The following MYH1 variants were observed in gnomAD, a reference collection of about 807,000 sequenced individuals.
MYH1 encodes myosin heavy chain 1.
A neutral mutation model predicts 225.6 loss-of-function variants in MYH1; 214 were observed. The observed-to-expected ratio is 0.95, with a 90% confidence interval of 0.85 to 1.06. The LOEUF (loss-of-function observed/expected upper bound fraction) is 1.06, where lower values mean the gene tolerates loss of function less well. Ranked by LOEUF, MYH1 falls within the 50% of genes least tolerant of loss-of-function variation. The pLI is 0.00. For missense variants in MYH1, 2,098 were observed against 2,344.2 expected (o/e 0.89, Z 2.17); for synonymous variants, 774 against 842.3 (o/e 0.92, Z 1.40).
Position 10,505,491 on chromosome 17 carries a change from C to A in MYH1, c.2195G>T (p.Ser732Ile). ...FKQRYKVLNA[S>I]AIPEGQFIDS... is the part of the protein sequence containing the mutation. ...GATGAATTGTCCTTCAGGGATAGCA[C>A]TTGCATTTAACACCTTGTATCTGTT... The change falls in exon 20 of 40, where the codon AGT becomes ATT. Residue 732 changes from serine to isoleucine, a missense_variant. By Grantham distance (142) the Ser-to-Ile change is moderately radical. Coordinates refer to ENST00000226207, the MANE Select transcript of MYH1 (RefSeq NM_005963.4). The A allele has an allele frequency of 6.2e-7, 1 of 1,614,194 alleles. No homozygotes were observed. The highest frequency in any genetic ancestry group is 8.5e-7 in the Non-Finnish European group (1 of 1,180,018).
chr17:10,498,173 C>A (rs182859869), intron 30 of MYH1, among the ~76,000 whole-genome samples: 1 of 152,218 alleles, frequency 6.6e-6, no homozygotes, highest in Admixed American at 6.5e-5. Context: ...AACACTTTAC[C>A]CTTCCAGGTA....
chr17:10,502,240 A>G (rs1726052922), intron 24 of MYH1, among the ~76,000 whole-genome samples: 1 of 152,060 alleles, frequency 6.6e-6, no homozygotes, highest in African/African-American at 2.4e-5. Context: ...CGCCTCCCTT[A>G]CTCAGGCATT....
chr17:10,492,651 A>G, intron 39 of MYH1, 83 bp from the exon 40 acceptor site: 1 of 1,406,626 alleles, frequency 7.1e-7, no homozygotes. Context: ...TTTCCTTTTT[A>G]CTTAAAAATG....
At position 10,500,732 on chromosome 17, in the gene MYH1, G is replaced by A; in HGVS notation, c.3759C>T (p.Cys1253=). The A allele has an allele frequency of 1.2e-6, 2 of 1,614,122 alleles. No individual in the cohort carries two copies. Among genetic ancestry groups the A allele is most frequent in the African/African-American group, 1.3e-5 (1 of 75,030 alleles). ...SKAKGNLEKM[C]RALEDQLSEI... Reference sequence around the variant, plus strand: ...CACTCAGTTGATCTTCTAGAGCGCGGCACATCTTTTCAAGGTTTCCCTGCA... The same window carrying A: ...CACTCAGTTGATCTTCTAGAGCGCGACACATCTTTTCAAGGTTTCCCTGCA... The change falls in exon 28 of 40, where the codon TGC becomes TGT. Residue 1253 remains cysteine (C), a synonymous_variant. Coordinates refer to ENST00000226207, the MANE Select transcript of MYH1 (RefSeq NM_005963.4).
rs1284548176 is a variant in MYH1, at chr17:10,505,152, CT to C, written c.2435+10del. On this transcript the variant is annotated intron_variant, in intron 21 of 39. Coordinates refer to ENST00000226207, the MANE Select transcript of MYH1 (RefSeq NM_005963.4). ...AGATGATGAGGTTAAGTAAAGAATT[CT>C]TATTAATACCTTCTTTCCACCATTT... 6.2e-7 allele frequency: 1 copy of C among 1,613,798 alleles called. No individual in the cohort carries two copies. The highest frequency in any genetic ancestry group is 1.1e-5 in the South Asian group (1 of 91,008).
rs1336901771 is a variant in MYH1 at position 10,511,931 on chromosome 17, T to C, written c.1324A>G (p.Met442Val). ...KAVYDKMFLW[M>V]VTRINQQLDT... ...AGCTGCTGGTTGATGCGGGTGACCA[T>C]CCACAAGAACATCTTATCGTAGACA... The change falls in exon 14 of 40, where the codon ATG becomes GTG. Residue 442 changes from methionine to valine, a missense_variant. Coordinates refer to ENST00000226207, the MANE Select transcript of MYH1 (RefSeq NM_005963.4). 6.8e-6 allele frequency: 11 copies of C among 1,614,172 alleles called. No homozygotes were observed. Among genetic ancestry groups the C allele is most frequent in the Non-Finnish European group, 9.3e-6 (11 of 1,180,028 alleles).
At chr17:10,500,581 C>A in intron 28 of MYH1, 45 bp downstream of exon 28, 4 of 1,610,016 alleles carry the variant, frequency 2.5e-6, no homozygotes, top group Non-Finnish European at 3.4e-6. Flanking sequence ...ATTACACATG[C>A]AGGGTGAATT....
Position 10,501,301 on chromosome 17 carries a change from C to G in MYH1, c.3547G>C (p.Glu1183Gln). ...AEFQKMRRDL[E>Q]EATLQHEATA... ...GCTTCATGCTGTAGGGTGGCCTCCT[C>G]CAGGTCCCTGCGCATTTTCTGGAAC... Residue 1183 changes from glutamate to glutamine, a missense_variant, in exon 27 of 40, where the codon GAG (glutamate) becomes CAG (glutamine). By Grantham distance (29) the Glu-to-Gln change is conservative. Transcript: ENST00000226207. 6.2e-7 allele frequency: 1 copy of G among 1,614,220 alleles called. No individual in the cohort carries two copies. The highest frequency in any genetic ancestry group is 8.5e-7 in the Non-Finnish European group (1 of 1,180,040).
chr17:10,504,202 C>T (rs1372869672), intron 22 of MYH1, among the ~76,000 whole-genome samples: 1 of 152,186 alleles, frequency 6.6e-6, no homozygotes, highest in Non-Finnish European at 1.5e-5. Flanking sequence ...ATATTTCTCT[C>T]CAAGCCTCTG....
Position 10,492,467 on chromosome 17 carries a change from C to T in MYH1, c.5769G>A (p.Lys1923=). Residue 1923 remains lysine, a synonymous_variant, in exon 40 of 40, where the codon AAG becomes AAA. Transcript: ENST00000226207. ...RADIAESQVN[K]LRVKSREVHT... is the part of the protein sequence containing the mutation. Reference sequence around the variant, plus strand: ...GAACCTCCCTGCTCTTCACCCTCAGCTTGTTGACCTGGGACTCAGCAATGT... The same window carrying T: ...GAACCTCCCTGCTCTTCACCCTCAGTTTGTTGACCTGGGACTCAGCAATGT... 2.5e-6 allele frequency: 4 copies of T among 1,614,200 alleles called. No individual in the cohort carries two copies. Among genetic ancestry groups the T allele is most frequent in the Non-Finnish European group, 3.4e-6 (4 of 1,180,036 alleles).
rs1239478400 is a variant in MYH1 at position 10,499,086 on chromosome 17, T to C, written c.3872A>G (p.Tyr1291Cys). 4 of 1,610,524 alleles carry C rather than the reference T, an allele frequency of 2.5e-6. No homozygotes were observed. The highest frequency in any genetic ancestry group is 1.7e-5 in the Admixed American group (1 of 59,836). ...GTCCTTTTCATCTAGCTGGCGTGAA[T>C]ATTCACCTGTAAAAGACCAAGTCCA... ...RARLQTESGE[Y>C]SRQLDEKDTL... The change falls in exon 29 of 40, where the codon TAT becomes TGT. Residue 1291 changes from tyrosine (Y) to cysteine (C), a missense_variant. Transcript: ENST00000226207.
intron 16 of MYH1, 51 bp downstream of exon 16, chr17:10,508,312 T>C: frequency 6.5e-7 from 1 of 1,528,578 alleles, no homozygotes; most frequent in Non-Finnish European, 8.8e-7. Flanking sequence ...GTGTCTGGCC[T>C]CTAGTTATGT....
Position 10,501,607 on chromosome 17 carries a change from A to G in MYH1, c.3335T>C (p.Ile1112Thr). The change falls in exon 26 of 40, where the codon ATC becomes ACC. Residue 1112 changes from isoleucine to threonine, a missense_variant. By Grantham distance (89) the Ile-to-Thr change is moderately conservative. Coordinates refer to ENST00000226207, the MANE Select transcript of MYH1 (RefSeq NM_005963.4). ...CATTTAACGTACTTGTAACTCCTTG[A>G]TTTTCTTCTGCAGCTGCATACCAAG... The part of the protein sequence containing the change: ...QALGMQLQKK[I>T]KELQARIEEL... 1 of 1,614,088 alleles carries G rather than the reference A, an allele frequency of 6.2e-7. No individual in the cohort carries two copies. The highest frequency in any genetic ancestry group is 8.5e-7 in the Non-Finnish European group (1 of 1,180,016).
At chr17:10,494,739 A>G (rs924319660) in intron 37 of MYH1, 66 bp from the exon 38 acceptor site, 1 of 1,603,428 alleles carries the variant, frequency 6.2e-7, no homozygotes, top group Non-Finnish European at 8.5e-7. Context: ...CATGACCCAC[A>G]TACTTCTTCT....
intron 27 of MYH1, 64 bp downstream of exon 27, chr17:10,501,046 A>C: frequency 6.3e-7 from 1 of 1,587,930 alleles, no homozygotes; most frequent in Non-Finnish European, 8.6e-7. Flanking sequence ...TTGAGATACA[A>C]ATCATATTTG....
chr17:10,514,957 G>A lies in MYH1; in HGVS notation c.506-62C>T, dbSNP rs546789299. Reference sequence around the variant, plus strand: ...AGTTACACAAACAAAACTTTCTATAGTGAAACAGGGCATTTGAGTATAAGT... The same window carrying A: ...AGTTACACAAACAAAACTTTCTATAATGAAACAGGGCATTTGAGTATAAGT... On this transcript the variant is annotated intron_variant, in intron 5 of 39. Coordinates refer to ENST00000226207, the MANE Select transcript of MYH1 (RefSeq NM_005963.4). 1,607 of 1,453,106 alleles carry A rather than the reference G, an allele frequency of 1.1e-3. 17 individuals carry two copies. Among genetic ancestry groups the A allele is most frequent in the Non-Finnish European group, 1.2e-4 (125 of 1,037,518 alleles). The allele number at this position is 1,453,106 out of a possible 1,614,324, so 90.0% of individuals were successfully genotyped here. A position where few individuals can be genotyped will look rare whatever the true frequency, so the allele number is the denominator to read the frequency against.
chr17:10,503,116 C>T lies in MYH1; in HGVS notation c.2824G>A (p.Ala942Thr). 1 of 1,612,850 alleles carries T rather than the reference C, an allele frequency of 6.2e-7. No homozygotes were observed. The highest frequency in any genetic ancestry group is 8.5e-7 in the Non-Finnish European group (1 of 1,178,990). Reference protein sequence around the residue: ...DEEEINAELTAKKRKLEDECS... With the variant: ...DEEEINAELTTKKRKLEDECS... ...TCATCCTCCAGTTTCCTCTTCTTGG[C>T]TGTCAGCTCAGCATTGATCTCTTCC... Residue 942 changes from alanine to threonine, a missense_variant, in exon 23 of 40, where the codon GCC becomes ACC. Transcript: ENST00000226207.
Position 10,501,637 on chromosome 17 carries a change from T to G in MYH1, c.3305A>C (p.Gln1102Pro), listed in dbSNP as rs780638882. The G allele has an allele frequency of 1.3e-5, 21 of 1,614,120 alleles. No individual in the cohort carries two copies. The highest frequency in any genetic ancestry group is 1.6e-5 in the Non-Finnish European group (19 of 1,180,056). Residue 1102 changes from glutamine (Q) to proline (P), a missense_variant, in exon 26 of 40, where the codon CAA (glutamine) becomes CCA (proline). By Grantham distance (76) the Gln-to-Pro change is moderately conservative. Coordinates refer to ENST00000226207, the MANE Select transcript of MYH1 (RefSeq NM_005963.4). ...CTTCTGCAGCTGCATACCAAGGGCTTGTTCATCTTCAATCTTGCTTTGCAG... is the reference window on the plus strand; with the variant it reads ...CTTCTGCAGCTGCATACCAAGGGCTGGTTCATCTTCAATCTTGCTTTGCAG... ...SGLQSKIEDE[Q>P]ALGMQLQKKI...
Position 10,496,301 on chromosome 17 carries a change from A to G in MYH1, c.4905T>C (p.His1635=), listed in dbSNP as rs768068918. 3 of 1,614,122 alleles carry G rather than the reference A, an allele frequency of 1.9e-6. No homozygotes were observed. Among genetic ancestry groups the G allele is most frequent in the Admixed American group, 1.7e-5 (1 of 60,022 alleles). The change falls in exon 34 of 40, where the codon CAT becomes CAC. Residue 1635 remains histidine, a synonymous_variant. Coordinates refer to ENST00000226207, the MANE Select transcript of MYH1 (RefSeq NM_005963.4). ...DLNEMEIQLN[H]ANRMAAEALR... is the part of the protein sequence containing the mutation. ...GGGCCTCAGCAGCCATGCGGTTGGC[A>G]TGGTTCAGCTGGATTTCCATTTCAT...
Sources: gnomAD v4.1 joint callset for allele counts (sites outside exome capture counted in the v4.1 genomes callset) on GRCh38, gnomAD v4.1.1 for gene constraint, MANE v1.5 for transcripts, NCBI Gene and HGNC (gene_info 2026-07-23, HGNC 2026-07-21) for gene names.